The following PXDNL variants were observed in gnomAD, a reference collection of about 807,000 sequenced individuals.
PXDNL encodes the protein peroxidasin like, also known as probable oxidoreductase PXDNL.
PXDNL carries 145 observed loss-of-function variants against 150.8 expected under a neutral mutation model. The observed-to-expected ratio is 0.96, with a 90% confidence interval of 0.84 to 1.10. The LOEUF is 1.10. Ranked by LOEUF, PXDNL falls within the 50% of genes least tolerant of loss-of-function variation. The probability of loss-of-function intolerance (pLI) is 0.00; values close to 1 mark genes in which losing one functional copy is unlikely to be tolerated. For synonymous variants in PXDNL, 757 were observed against 725.7 expected, an observed-to-expected ratio of 1.04 and a Z score of -0.69; for missense variants, 2,087 against 1,873.9, an observed-to-expected ratio of 1.11 and a Z score of -2.10.
At chr8:51,728,229 A>C (rs571469405) in intron 1 of PXDNL, among the ~76,000 whole-genome samples, 1 of 152,374 alleles carries the variant, frequency 6.6e-6, no homozygotes, top group South Asian at 2.1e-4. Context: ...CAGTGTTATA[A>C]AAGTCTAGCA....
intron 4 of PXDNL, among the ~76,000 whole-genome samples, chr8:51,515,289 G>C (rs1291169752): frequency 2.6e-5 from 4 of 152,146 alleles, no homozygotes; most frequent in African/African-American, 9.7e-5. Flanking sequence ...ACAGACGATA[G>C]GGTTCCAGGG....
chr8:51,695,440 G>C (rs1816095872), intron 1 of PXDNL, among the ~76,000 whole-genome samples: 1 of 152,080 alleles, frequency 6.6e-6, no homozygotes, highest in Admixed American at 6.6e-5. Context: ...ATATCAGGGA[G>C]ACAGATCAGA....
At position 51,441,860 on chromosome 8, in the gene PXDNL, A is replaced by T. The variant is rs567483801; in HGVS notation, c.1525+5144T>A. 3.9e-5 allele frequency among the ~76,000 whole-genome samples: 6 copies of T among 152,306 alleles called. 1 individual carries two copies. In the South Asian group the frequency reaches 1.2e-3, roughly 32 times the overall value. The stretch of plus-strand genomic sequence containing the variant: ...ACCAAATGCTGGAGCTGGATGTCCC[A>T]CATCAGGGAATAGAGTACTGGGAGG... On this transcript the variant is annotated intron_variant, in intron 12 of 22. Coordinates refer to ENST00000356297, the MANE Select transcript of PXDNL (RefSeq NM_144651.5).
chr8:51,705,148 C>A (rs1816350379), intron 1 of PXDNL, among the ~76,000 whole-genome samples: 1 of 152,172 alleles, frequency 6.6e-6, no homozygotes. Flanking sequence ...AGCTTTGATT[C>A]TCAGGCATGG....
chr8:51,735,350 T>G (rs1817010074), intron 1 of PXDNL, among the ~76,000 whole-genome samples: 1 of 151,054 alleles, frequency 6.6e-6, no homozygotes, highest in African/African-American at 2.4e-5. Flanking sequence ...CTGGGCATGG[T>G]GGTGCGTGCC....
chr8:51,399,107 T>C (rs1421500342), intron 17 of PXDNL, among the ~76,000 whole-genome samples: 1 of 152,030 alleles, frequency 6.6e-6, no homozygotes, highest in African/African-American at 2.4e-5. Context: ...ATTAAGCAAA[T>C]ATAAAGTCTT....
chr8:51,682,324 A>T (rs1252551441), intron 1 of PXDNL, among the ~76,000 whole-genome samples: 1 of 152,174 alleles, frequency 6.6e-6, no homozygotes, highest in East Asian at 1.9e-4. Context: ...CTACCATTGC[A>T]CTGTTCAAAT....
intron 17 of PXDNL, among the ~76,000 whole-genome samples, chr8:51,405,605 A>G (rs1808414639): frequency 6.6e-6 from 1 of 152,228 alleles, no homozygotes; most frequent in Non-Finnish European, 1.5e-5. Context: ...ACTTAAAGCT[A>G]TATCATCTTC....
At chr8:51,387,675 T>C (rs1055185592) in intron 17 of PXDNL, among the ~76,000 whole-genome samples, 4 of 152,218 alleles carry the variant, frequency 2.6e-5, no homozygotes, top group African/African-American at 4.8e-5. Flanking sequence ...TAATTACTAA[T>C]TGAATGAATA....
At chr8:51,500,017 T>G (rs1244055909) in intron 4 of PXDNL, among the ~76,000 whole-genome samples, 1 of 152,140 alleles carries the variant, frequency 6.6e-6, no homozygotes, top group Non-Finnish European at 1.5e-5. Context: ...TGCTGCCCCC[T>G]TTTCCCAGGG....
At chr8:51,459,835 A>G (rs1257025632) in intron 8 of PXDNL, among the ~76,000 whole-genome samples, 2 of 152,222 alleles carry the variant, frequency 1.3e-5, no homozygotes, top group African/African-American at 4.8e-5. Context: ...AAGACATACA[A>G]ATAACTTCTA....
intron 1 of PXDNL, among the ~76,000 whole-genome samples, chr8:51,704,905 C>A (rs942965563): frequency 1.3e-5 from 2 of 151,932 alleles, no homozygotes; most frequent in Non-Finnish European, 2.9e-5. Flanking sequence ...TATACATTTT[C>A]TTTATTGGAC....
chr8:51,807,415 C>T (rs1447197898), intron 1 of PXDNL, among the ~76,000 whole-genome samples: 1 of 152,180 alleles, frequency 6.6e-6, no homozygotes, highest in Non-Finnish European at 1.5e-5. Context: ...AATCCGCCCC[C>T]ACTATCCAAT....
chr8:51,696,033 A>G (rs1816116264), intron 1 of PXDNL, among the ~76,000 whole-genome samples: 1 of 152,204 alleles, frequency 6.6e-6, no homozygotes, highest in Non-Finnish European at 1.5e-5. Context: ...TTCAGGCCTG[A>G]CATTGTCTGA....
intron 6 of PXDNL, among the ~76,000 whole-genome samples, chr8:51,482,541 CA>C (rs200268791): frequency 0.013 from 1,969 of 152,106 alleles, 42 homozygotes; most frequent in African/African-American, 0.045. Flanking sequence ...TGGGAGGGGC[CA>C]GGGGCGGAAT....
intron 3 of PXDNL, among the ~76,000 whole-genome samples, chr8:51,578,013 GGAAGGAAGGAAGGA>G (rs1563471278): frequency 5.5e-4 from 52 of 95,320 alleles, no homozygotes; most frequent in African/African-American, 2.7e-3. Flanking sequence ...AAGGAAGGAA[GGAAGGAAGGAAGGA>G]AGGAAGGAAG....
chr8:51,411,362 C>T lies in PXDNL; in HGVS notation c.1950G>A (p.Pro650=), dbSNP rs370191695. 1.4e-5 allele frequency: 22 copies of T among 1,579,818 alleles called. No homozygotes were observed. The highest frequency in any genetic ancestry group is 3.5e-5 in the South Asian group (3 of 85,134). Residue 650 remains proline, a synonymous_variant, in exon 16 of 23, where the codon CCG becomes CCA. Transcript: ENST00000356297. ...SSDLLAQFHY[P]RDPLIVEMAR... ...CCATTTCCACAATCAGTGGGTCACG[C>T]GGGTAATGAAATTGAGCCAGCAGGT...
chr8:51,545,427 T>A (rs2130499219), intron 4 of PXDNL, among the ~76,000 whole-genome samples: 1 of 152,368 alleles, frequency 6.6e-6, no homozygotes, highest in South Asian at 2.1e-4. Context: ...ACACATTTTA[T>A]CACAGTGATA....
chr8:51,475,879 T>C (rs1810462739), intron 6 of PXDNL, among the ~76,000 whole-genome samples: 1 of 152,070 alleles, frequency 6.6e-6, no homozygotes. Context: ...ACATATGGTG[T>C]TTGGTTTACT....
Sources: allele counts gnomAD v4.1 joint callset (sites outside exome capture counted in the v4.1 genomes callset), GRCh38; gene constraint gnomAD v4.1.1; transcripts MANE v1.5; gene names NCBI Gene and HGNC (gene_info 2026-07-23, HGNC 2026-07-21).